The following MRPS6 variants were observed in gnomAD, a reference collection of about 807,000 sequenced individuals.
MRPS6 encodes mitochondrial ribosomal protein S6.
A neutral mutation model predicts 13.1 loss-of-function variants in MRPS6; 6 were observed. The ratio of observed to expected loss-of-function variants is 0.46; its 90% confidence interval spans 0.25 to 0.91. The LOEUF (loss-of-function observed/expected upper bound fraction) is 0.91. Among genes scored for constraint, MRPS6 ranks in the 40% least tolerant of loss-of-function variants. The pLI is 0.18. For missense variants in MRPS6, 164 were observed against 155.6 expected, an observed-to-expected ratio of 1.05 and a Z score of -0.29; for synonymous variants, 61 against 56.5, an observed-to-expected ratio of 1.08 and a Z score of -0.36.
At chr21:34,075,327 G>A (rs1366979665) in intron 1 of MRPS6, among the ~76,000 whole-genome samples, 1 of 152,126 alleles carries the variant, frequency 6.6e-6, no homozygotes, top group African/African-American at 2.4e-5. Flanking sequence ...ATGAAGACTT[G>A]CCCTCCCCTT....
Position 34,128,318 on chromosome 21 carries a change from T to C in MRPS6, c.185+2838T>C, listed in dbSNP as rs139159773. Among the ~76,000 whole-genome samples the C allele has an allele frequency of 7.4e-4, 112 of 152,280 alleles. 1 individual carries two copies. In the East Asian group the frequency reaches 0.021, roughly 29 times the overall value. Reference sequence around the variant, plus strand: ...GGTATCTCTGTTCCAATGACTTCACTGTGTATTGGGCAATTGCCTCTACTG... The same window carrying C: ...GGTATCTCTGTTCCAATGACTTCACCGTGTATTGGGCAATTGCCTCTACTG... On this transcript the variant is annotated intron_variant, in intron 2 of 2. Transcript: ENST00000399312.
At chr21:34,134,957 T>C (rs1980635721) in intron 2 of MRPS6, among the ~76,000 whole-genome samples, 1 of 152,236 alleles carries the variant, frequency 6.6e-6, no homozygotes, top group Admixed American at 6.5e-5. Context: ...ACATAAAATA[T>C]TTTCAATTTA....
chr21:34,097,172 A>G lies in MRPS6; in HGVS notation c.45+23427A>G, dbSNP rs1314144638. On this transcript the variant is annotated intron_variant, in intron 1 of 2. Coordinates refer to ENST00000399312, the MANE Select transcript of MRPS6 (RefSeq NM_032476.4). ...ATGGAGGTCGGTACTGGAAGTTCATAGACTGGTTTTGTGGCTTTAAAAGTA... is the reference window on the plus strand; with the variant it reads ...ATGGAGGTCGGTACTGGAAGTTCATGGACTGGTTTTGTGGCTTTAAAAGTA... 2.5e-6 allele frequency: 4 copies of G among 1,614,000 alleles called. No individual in the cohort carries two copies. The African/African-American group carries it at 4.0e-5, about 16-fold the overall frequency.
intron 1 of MRPS6, among the ~76,000 whole-genome samples, chr21:34,087,142 C>T (rs547229075): frequency 1.4e-4 from 21 of 152,230 alleles, no homozygotes; most frequent in African/African-American, 4.8e-4. Flanking sequence ...TGTCATGGGC[C>T]ACTGAGATTT....
rs1978347284 is a variant in MRPS6 at position 34,085,903 on chromosome 21, G to GAA, written c.45+12160_45+12161dup. Among the ~76,000 whole-genome samples, 9 of 152,240 alleles carry GAA rather than the reference G, an allele frequency of 5.9e-5. No individual in the cohort carries two copies. In the South Asian group the frequency reaches 1.9e-3, roughly 32 times the overall value. Reference sequence around the variant, plus strand: ...AGGTGTGAGCCACTGCGCCCGGCCAGAAATAAGGACTTTTAAACAACCGTA... The same window carrying GAA: ...AGGTGTGAGCCACTGCGCCCGGCCAGAAAAATAAGGACTTTTAAACAACCGTA... On this transcript the variant is annotated intron_variant, in intron 1 of 2. Coordinates refer to ENST00000399312, the MANE Select transcript of MRPS6 (RefSeq NM_032476.4).
chr21:34,124,579 C>T (rs991149082), intron 1 of MRPS6: 1 of 151,280 alleles, frequency 6.6e-6, no homozygotes, highest in African/African-American at 2.4e-5. Flanking sequence ...CTCCTCAGCA[C>T]TCCCTTGCCC....
chr21:34,080,195 AG>A (rs1989428341), intron 1 of MRPS6, among the ~76,000 whole-genome samples: 1 of 152,216 alleles, frequency 6.6e-6, no homozygotes, highest in African/African-American at 2.4e-5. Context: ...ACTTATAACA[AG>A]GAAATAGTAG....
intron 2 of MRPS6, among the ~76,000 whole-genome samples, chr21:34,136,409 A>G (rs899562197): frequency 1.2e-4 from 19 of 152,172 alleles, no homozygotes; most frequent in Admixed American, 2.6e-4. Context: ...CGGCCTCCCA[A>G]AGTGCTGGGA....
chr21:34,130,679 G>A (rs1381335461), intron 2 of MRPS6, among the ~76,000 whole-genome samples: 1 of 152,238 alleles, frequency 6.6e-6, no homozygotes, highest in Non-Finnish European at 1.5e-5. Context: ...TACCTAGGAA[G>A]AAGTTCACTA....
chr21:34,117,265 A>G (rs537855965), intron 1 of MRPS6, among the ~76,000 whole-genome samples: 2 of 152,152 alleles, frequency 1.3e-5, no homozygotes, highest in African/African-American at 2.4e-5. Context: ...TATAAATTTC[A>G]TAAGAATTTT....
At chr21:34,122,752 CTT>C (rs1980165365) in intron 1 of MRPS6, 1 of 151,518 alleles carries the variant, frequency 6.6e-6, no homozygotes, top group Non-Finnish European at 1.5e-5. Flanking sequence ...AGACCCGACT[CTT>C]TATTTGGATG....
At position 34,142,473 on chromosome 21, in the gene MRPS6, G is replaced by A. The variant is rs777690532; in HGVS notation, c.251G>A (p.Arg84Gln). The A allele has an allele frequency of 4.3e-6, 7 of 1,609,646 alleles. No homozygotes were observed. Among genetic ancestry groups the A allele is most frequent in the African/African-American group, 1.3e-5 (1 of 74,762 alleles). ...AVESMVEHLS[R>Q]DIDVIRGNIV... is the part of the protein sequence containing the mutation. ...GAAAGCATGGTGGAGCACTTGTCTC[G>A]AGATATAGATGTGATTAGAGGGAAT... Residue 84 changes from arginine (R) to glutamine (Q), a missense_variant, in exon 3 of 3, where the codon CGA becomes CAA. Transcript: ENST00000399312.
intron 2 of MRPS6, chr21:34,135,479 T>C: frequency 2.0e-6 from 1 of 502,636 alleles, no homozygotes; most frequent in Non-Finnish European, 4.0e-6. Flanking sequence ...TTCTTCTTGA[T>C]GGCAAAGGAG....
At chr21:34,111,626 TC>T (rs1979703644) in intron 1 of MRPS6, among the ~76,000 whole-genome samples, 2 of 152,336 alleles carry the variant, frequency 1.3e-5, no homozygotes, top group African/African-American at 2.4e-5. Flanking sequence ...CAGTTGAGGT[TC>T]CTTTTCATAT....
At chr21:34,128,755 G>A (rs1980396240) in intron 2 of MRPS6, among the ~76,000 whole-genome samples, 1 of 152,150 alleles carries the variant, frequency 6.6e-6, no homozygotes, top group South Asian at 2.1e-4. Context: ...TAGAACTGGG[G>A]GAGTCATGCG....
chr21:34,121,670 G>T (rs1332351773), intron 1 of MRPS6, among the ~76,000 whole-genome samples: 2 of 152,154 alleles, frequency 1.3e-5, no homozygotes, highest in Non-Finnish European at 2.9e-5. Context: ...TTGGAATTGA[G>T]TGGTTCAGAG....
At chr21:34,099,756 A>C in intron 1 of MRPS6, 2 of 959,644 alleles carry the variant, frequency 2.1e-6, no homozygotes, top group Non-Finnish European at 2.5e-6. Flanking sequence ...TTAGAGTACT[A>C]AAGTCTGTAA....
chr21:34,095,723 C>T (rs367913360), intron 1 of MRPS6: 35 of 1,535,224 alleles, frequency 2.3e-5, no homozygotes, highest in East Asian at 2.2e-4. Flanking sequence ...TGACTGTCAC[C>T]GGAGGCCTTG....
chr21:34,103,890 C>G, intron 1 of MRPS6: 1 of 1,000,044 alleles, frequency 1.0e-6, no homozygotes, highest in South Asian at 4.7e-5. Flanking sequence ...CAACTTGAAA[C>G]TGGAGAAATA....
Sources: allele counts gnomAD v4.1 joint callset (sites outside exome capture counted in the v4.1 genomes callset), GRCh38; gene constraint gnomAD v4.1.1; transcripts MANE v1.5; gene names NCBI Gene and HGNC (gene_info 2026-07-23, HGNC 2026-07-21).